The following WDR72 variants were observed in gnomAD, a reference collection of about 807,000 sequenced individuals.
WDR72 encodes WD repeat domain 72.
In WDR72, 120 loss-of-function variants were observed where a neutral mutation model predicts 124.2. That is an observed-to-expected ratio of 0.97 (90% CI 0.83 to 1.12). WDR72 has a LOEUF of 1.12. Ranked by LOEUF, WDR72 falls within the 50% of genes most tolerant of loss-of-function variation. The pLI is 0.00. For missense variants in WDR72, 1,387 were observed against 1,278.8 expected (o/e 1.08, Z -1.29); for synonymous variants, 452 against 441.7 (o/e 1.02, Z -0.29).
chr15:53,702,092 T>A, intron 12 of WDR72, 42 bp downstream of exon 12: 4 of 1,457,184 alleles, frequency 2.7e-6, no homozygotes, highest in Non-Finnish European at 3.8e-6. Context: ...ATAATTTATA[T>A]AATTTTCAAA....
At chr15:53,657,773 A>AG (rs1418059568) in intron 14 of WDR72, among the ~76,000 whole-genome samples, 55 of 152,338 alleles carry the variant, frequency 3.6e-4, no homozygotes, top group African/African-American at 1.3e-3. Flanking sequence ...CTAAACCCAA[A>AG]GCAGAACCAA....
chr15:53,599,008 T>C (rs1906445), intron 17 of WDR72, among the ~76,000 whole-genome samples: 116,316 of 151,654 alleles, frequency 0.77, 44,845 homozygotes, highest in Middle Eastern at 0.9. Context: ...CCTGTAGTCC[T>C]GGCTACTCAG....
chr15:53,616,106 A>C lies in WDR72; in HGVS notation c.2100T>G (p.Asp700Glu). The stretch of plus-strand genomic sequence containing the variant: ...CATAGAATGAACTGGAAGAGTCAAC[A>C]TCACTGAGTGGAGTTGGTAGCAAAA... ...VELLLPTPLS[D>E]VDSSSSFYGG... Residue 700 changes from aspartate (D) to glutamate (E), a missense_variant, in exon 15 of 20, where the codon GAT becomes GAG. By Grantham distance (45) the Asp-to-Glu change is conservative (BLOSUM62 2). Transcript: ENST00000360509. 1 of 1,604,976 alleles carries C rather than the reference A, an allele frequency of 6.2e-7. No individual in the cohort carries two copies. The highest frequency in any genetic ancestry group is 1.1e-5 in the South Asian group (1 of 90,242).
In WDR72 at chr15:53,535,969, T is replaced by C. The variant is rs1302678371; in HGVS notation, c.3149-12647A>G. On this transcript the variant is annotated intron_variant, in intron 18 of 19. Coordinates refer to ENST00000360509, the MANE Select transcript of WDR72 (RefSeq NM_182758.4). ...CCCCTGGCAGCAGCTTATAATGGCA[T>C]ATCCTAGGATGCCTGCCTGCATGCG... 2.0e-5 allele frequency among the ~76,000 whole-genome samples: 3 copies of C among 152,176 alleles called. No individual in the cohort carries two copies. In the South Asian group the frequency reaches 6.2e-4, roughly 31 times the overall value.
chr15:53,537,022 T>A (rs1232405374), intron 18 of WDR72, among the ~76,000 whole-genome samples: 2 of 152,168 alleles, frequency 1.3e-5, no homozygotes, highest in Non-Finnish European at 2.9e-5. Flanking sequence ...CATCATCACC[T>A]TTTTTCTTAA....
chr15:53,747,878 T>A (rs7182225), intron 1 of WDR72, among the ~76,000 whole-genome samples: 2,439 of 152,130 alleles, frequency 0.016, 60 homozygotes, highest in African/African-American at 0.056. Context: ...ACAAACAAAC[T>A]GAAAAAACTA....
chr15:53,758,908 A>G (rs1053061498), intron 1 of WDR72, among the ~76,000 whole-genome samples: 1 of 152,134 alleles, frequency 6.6e-6, no homozygotes, highest in Non-Finnish European at 1.5e-5. Flanking sequence ...AGTCAGCACC[A>G]GTTTCCAAAA....
At chr15:53,752,919 T>C (rs1230854794) in intron 1 of WDR72, among the ~76,000 whole-genome samples, 1 of 152,108 alleles carries the variant, frequency 6.6e-6, no homozygotes, top group Non-Finnish European at 1.5e-5. Context: ...TAGTATCTAG[T>C]AAAGCCCTAC....
Position 53,537,173 on chromosome 15 carries a change from A to G in WDR72, c.3149-13851T>C, listed in dbSNP as rs944615734. On this transcript the variant is annotated intron_variant, in intron 18 of 19. Coordinates refer to ENST00000360509, the MANE Select transcript of WDR72 (RefSeq NM_182758.4). ...TTAGGTCATTATCCTTTATTATGTGACTTGTAATCCTTAAAGCCCATGATT... is the reference window on the plus strand; with the variant it reads ...TTAGGTCATTATCCTTTATTATGTGGCTTGTAATCCTTAAAGCCCATGATT... Among the ~76,000 whole-genome samples, 18 of 152,298 alleles carry G rather than the reference A, an allele frequency of 1.2e-4. No individual in the cohort carries two copies. The East Asian group carries it at 3.5e-3, about 29-fold the overall frequency.
At chr15:53,691,636 T>C (rs201059490) in intron 13 of WDR72, among the ~76,000 whole-genome samples, 20,974 of 79,426 alleles carry the variant, frequency 0.26, 1,663 homozygotes, top group African/African-American at 0.32. Flanking sequence ...GATAGATAGA[T>C]AGATAGATAG....
rs2018931785 is a variant in WDR72, at chr15:53,757,209, G to A, written c.-13+2424C>T. Among the ~76,000 whole-genome samples, 8 of 152,234 alleles carry A rather than the reference G, an allele frequency of 5.3e-5. No homozygotes were observed. The South Asian group carries it at 1.7e-3, about 32-fold the overall frequency. ...TTTAGTCCAGGTCTCCACCACATCT[G>A]CCTGCTTCCAATTCAGCCTAGAGAA... is the stretch of plus-strand genomic sequence containing the variant. On this transcript the variant is annotated intron_variant, in intron 1 of 19. Transcript: ENST00000360509.
Position 53,514,151 on chromosome 15 carries a change from A to G in WDR72, c.*3548T>C, listed in dbSNP as rs992918437. 2.0e-5 allele frequency: 3 copies of G among 152,224 alleles called. No individual in the cohort carries two copies. Among genetic ancestry groups the G allele is most frequent in the Non-Finnish European group, 4.4e-5 (3 of 68,046 alleles). The allele number at this position is 152,224 out of a possible 1,614,324, so 9.4% of individuals were successfully genotyped here. On this transcript the variant is annotated 3_prime_UTR_variant, in exon 20 of 20. Coordinates refer to ENST00000360509, the MANE Select transcript of WDR72 (RefSeq NM_182758.4). Reference sequence around the variant, plus strand: ...CTAATTTTTTAAAATTACAAAAAACACTAAGTATTATGCAAATGTTTACAA... The same window carrying G: ...CTAATTTTTTAAAATTACAAAAAACGCTAAGTATTATGCAAATGTTTACAA...
intron 19 of WDR72, 98 bp from the exon 20 acceptor site, chr15:53,517,852 T>A: frequency 8.9e-7 from 1 of 1,125,304 alleles, no homozygotes; most frequent in East Asian, 2.4e-5. Context: ...AAATGAAGAA[T>A]AGATACAGAA....
At chr15:53,570,835 C>A (rs753942275) in intron 18 of WDR72, among the ~76,000 whole-genome samples, 1 of 152,036 alleles carries the variant, frequency 6.6e-6, no homozygotes, top group Non-Finnish European at 1.5e-5. Flanking sequence ...ATCCCAGGTG[C>A]CCATCAATGG....
chr15:53,631,688 T>C (rs965402910), intron 14 of WDR72, among the ~76,000 whole-genome samples: 70 of 152,130 alleles, frequency 4.6e-4, no homozygotes, highest in Non-Finnish European at 1.9e-4. Flanking sequence ...GGGGAACTTA[T>C]TGGGAACTGG....
chr15:53,682,892 T>C (rs1189376748), intron 13 of WDR72, among the ~76,000 whole-genome samples: 1 of 152,166 alleles, frequency 6.6e-6, no homozygotes, highest in Non-Finnish European at 1.5e-5. Flanking sequence ...TATAAAGAAA[T>C]AACAGAGACT....
intron 19 of WDR72, among the ~76,000 whole-genome samples, chr15:53,519,113 T>C (rs759196189): frequency 2.0e-5 from 3 of 152,136 alleles, no homozygotes; most frequent in Non-Finnish European, 4.4e-5. Flanking sequence ...CAAGCCAATA[T>C]GGTGACAAAG....
intron 1 of WDR72, among the ~76,000 whole-genome samples, chr15:53,744,359 A>G (rs1003036393): frequency 1.3e-5 from 2 of 152,224 alleles, no homozygotes; most frequent in Admixed American, 1.3e-4. Flanking sequence ...GGCTCAAACC[A>G]TTATTGAGCT....
chr15:53,633,707 C>A (rs7172366), intron 14 of WDR72, among the ~76,000 whole-genome samples: 152,341 of 152,342 alleles, frequency 1, 76,170 homozygotes, highest in Middle Eastern at 1. Flanking sequence ...AGAAACAGAT[C>A]ACTCAAGGGG....
Sources: allele counts gnomAD v4.1 joint callset (sites outside exome capture counted in the v4.1 genomes callset), GRCh38; gene constraint gnomAD v4.1.1; transcripts MANE v1.5; gene names NCBI Gene and HGNC (gene_info 2026-07-23, HGNC 2026-07-21).